The following PARD3 variants were observed in gnomAD, a reference collection of about 807,000 sequenced individuals.
The protein encoded by PARD3 is par-3 family cell polarity regulator.
Under a neutral mutation model 155.4 loss-of-function variants are expected in PARD3, and 75 were observed. The ratio of observed to expected loss-of-function variants is 0.48; its 90% confidence interval spans 0.40 to 0.58. The LOEUF (loss-of-function observed/expected upper bound fraction) is 0.58, where lower values mean the gene tolerates loss of function less well. PARD3 is among the 20% of genes least tolerant of loss of function. The pLI, the probability that PARD3 is intolerant of heterozygous loss-of-function variation, is 0.00. For missense variants in PARD3, 1,642 were observed against 1,721.7 expected (o/e 0.95, Z 0.82); for synonymous variants, 576 against 610.5 (o/e 0.94, Z 0.83).
chr10:34,542,270 G>A (rs950180198), intron 2 of PARD3, among the ~76,000 whole-genome samples: 6 of 148,148 alleles, frequency 4.1e-5, no homozygotes, highest in Non-Finnish European at 7.5e-5. Flanking sequence ...TTTACCCACT[G>A]GGCTGCCAAG....
intron 21 of PARD3, among the ~76,000 whole-genome samples, chr10:34,272,136 T>C (rs1405453482): frequency 6.6e-6 from 1 of 152,094 alleles, no homozygotes; most frequent in East Asian, 1.9e-4. Flanking sequence ...AAAAATAAAT[T>C]TCATACCTTA....
In PARD3 at chr10:34,605,553, ATATCTCC is replaced by A. The variant is rs1166916171; in HGVS notation, c.223-88401_223-88395del. Among the ~76,000 whole-genome samples, 12 of 73,116 alleles carry A rather than the reference ATATCTCC, an allele frequency of 1.6e-4. 3 individuals carry two copies. The highest frequency in any genetic ancestry group is 9.4e-4 in the African/African-American group (7 of 7,486). The allele number at this position is 73,116 out of a possible 152,430, so 48.0% of individuals were successfully genotyped here. On this transcript the variant is annotated intron_variant, in intron 2 of 24. Transcript: ENST00000374788. ...ATATATCTCCTATATATATATATAT[ATATCTCC>A]TATATATATATATATCTCCTATATA...
chr10:34,315,969 T>C (rs1957980707), intron 20 of PARD3, among the ~76,000 whole-genome samples: 1 of 152,234 alleles, frequency 6.6e-6, no homozygotes, highest in Admixed American at 6.5e-5. Flanking sequence ...AACACATCTG[T>C]TGAGCTGTGT....
intron 24 of PARD3, among the ~76,000 whole-genome samples, chr10:34,118,250 AT>A (rs1946791350): frequency 6.6e-6 from 1 of 152,220 alleles, no homozygotes; most frequent in African/African-American, 2.4e-5. Flanking sequence ...GATGGCACTT[AT>A]CCCCATGGAG....
At position 34,589,636 on chromosome 10, in the gene PARD3, C is replaced by CAA. The variant is rs35357373; in HGVS notation, c.223-72479_223-72478dup. 6.3e-3 allele frequency among the ~76,000 whole-genome samples: 528 copies of CAA among 83,984 alleles called. 1 individual carries two copies. The highest frequency in any genetic ancestry group is 7.6e-3 in the Non-Finnish European group (334 of 44,088). 55.1% of individuals were successfully genotyped at this position (83,984 alleles called of 152,430 possible). ...AGCAAAACTAATATAAGTACATGTCCAAAAAAAAAAAAAAAAAAAAAACCA... is the reference window on the plus strand; with the variant it reads ...AGCAAAACTAATATAAGTACATGTCCAAAAAAAAAAAAAAAAAAAAAAAACCA... On this transcript the variant is annotated intron_variant, in intron 2 of 24. Coordinates refer to ENST00000374788, the MANE Select transcript of PARD3 (RefSeq NM_001184785.2).
intron 2 of PARD3, among the ~76,000 whole-genome samples, chr10:34,601,172 A>G (rs1337674390): frequency 6.7e-6 from 1 of 149,902 alleles, no homozygotes; most frequent in Non-Finnish European, 1.5e-5. Flanking sequence ...TGTAATCCTA[A>G]TGCTTTGGGA....
chr10:34,341,241 A>G (rs1836795671), intron 16 of PARD3, among the ~76,000 whole-genome samples: 1 of 151,834 alleles, frequency 6.6e-6, no homozygotes, highest in Non-Finnish European at 1.5e-5. Context: ...GAACACATCA[A>G]CTCTTAGTTT....
At chr10:34,641,350 G>A (rs757331265) in intron 2 of PARD3, among the ~76,000 whole-genome samples, 5 of 152,218 alleles carry the variant, frequency 3.3e-5, no homozygotes, top group South Asian at 2.1e-4. Flanking sequence ...AGCTGCCGGG[G>A]AAGCCTGGAG....
intron 22 of PARD3, among the ~76,000 whole-genome samples, chr10:34,161,622 C>A (rs1005213700): frequency 2.6e-5 from 4 of 152,140 alleles, no homozygotes; most frequent in African/African-American, 9.7e-5. Flanking sequence ...TCCACCAGCA[C>A]CATGACGGTT....
chr10:34,796,843 G>A (rs1490723648), intron 1 of PARD3, among the ~76,000 whole-genome samples: 1 of 152,180 alleles, frequency 6.6e-6, no homozygotes, highest in Non-Finnish European at 1.5e-5. Flanking sequence ...AAATTAGCCA[G>A]GCATGGTGGT....
At chr10:34,353,454 C>T (rs971894205) in intron 14 of PARD3, among the ~76,000 whole-genome samples, 14 of 152,192 alleles carry the variant, frequency 9.2e-5, no homozygotes, top group Admixed American at 7.9e-4. Flanking sequence ...GCTGTGTCCA[C>T]TCAGGGTTAA....
At chr10:34,814,777 C>T in intron 1 of PARD3, 99 bp downstream of exon 1, 1 of 1,074,098 alleles carries the variant, frequency 9.3e-7, no homozygotes, top group Non-Finnish European at 1.3e-6. Flanking sequence ...CCTTTCCCCG[C>T]CTCCCTGCGC....
At chr10:34,203,042 C>A (rs1738632239) in intron 22 of PARD3, among the ~76,000 whole-genome samples, 1 of 151,478 alleles carries the variant, frequency 6.6e-6, no homozygotes, top group African/African-American at 2.5e-5. Flanking sequence ...CTAACACCCC[C>A]ACTCCAGCAC....
chr10:34,446,617 C>T (rs1276253036), intron 5 of PARD3, among the ~76,000 whole-genome samples: 3 of 152,164 alleles, frequency 2.0e-5, no homozygotes, highest in African/African-American at 7.2e-5. Context: ...ATACTAATAT[C>T]AATTAGTTTA....
At chr10:34,359,047 T>G (rs1257164309) in intron 14 of PARD3, 100 bp downstream of exon 14, 6 of 748,426 alleles carry the variant, frequency 8.0e-6, no homozygotes, top group Non-Finnish European at 1.3e-5. Context: ...TATGGTCTTT[T>G]GATGTAAGGT....
At chr10:34,651,588 A>T (rs2093015577) in intron 2 of PARD3, among the ~76,000 whole-genome samples, 1 of 152,098 alleles carries the variant, frequency 6.6e-6, no homozygotes, top group Non-Finnish European at 1.5e-5. Context: ...GAAGACAAAA[A>T]CCATAAGCAC....
rs115681566 is a variant in PARD3, at chr10:34,400,923, A to G, written c.806+903T>C. On this transcript the variant is annotated intron_variant, in intron 6 of 24. Transcript: ENST00000374788. ...CATTGGTTTGTAAGCTAAGAATAGC[A>G]TAACTTCAATAAACTGATTTTATCC... is the stretch of plus-strand genomic sequence containing the variant. Among the ~76,000 whole-genome samples the G allele has an allele frequency of 7.3e-3, 1,107 of 152,166 alleles. 12 individuals are homozygous for G. The highest frequency in any genetic ancestry group is 0.025 in the African/African-American group (1,049 of 41,512).
At chr10:34,537,712 A>G (rs2083320367) in intron 2 of PARD3, among the ~76,000 whole-genome samples, 1 of 152,232 alleles carries the variant, frequency 6.6e-6, no homozygotes, top group South Asian at 2.1e-4. Context: ...AAGAAAAGCC[A>G]TTGCTTAGAC....
chr10:34,157,325 T>C (rs920516), intron 22 of PARD3, among the ~76,000 whole-genome samples: 76 of 152,314 alleles, frequency 5.0e-4, no homozygotes, highest in Middle Eastern at 3.4e-3. Flanking sequence ...GTTTGTTTAC[T>C]GGACTTGCCT....
Sources: allele counts gnomAD v4.1 joint callset (sites outside exome capture counted in the v4.1 genomes callset), GRCh38; gene constraint gnomAD v4.1.1; transcripts MANE v1.5; gene names NCBI Gene and HGNC (gene_info 2026-07-23, HGNC 2026-07-21).